LRP1B: variants seen among roughly 807,000 people sequenced by gnomAD.
The protein encoded by LRP1B is low-density lipoprotein receptor-related protein 1B.
LRP1B carries 217 observed loss-of-function variants against 556.6 expected under a neutral mutation model. The ratio of observed to expected loss-of-function variants is 0.39; its 90% confidence interval spans 0.35 to 0.44. The LOEUF is 0.44. Ranked by LOEUF, LRP1B falls within the 20% of genes least tolerant of loss-of-function variation. The probability of loss-of-function intolerance (pLI) is 1.00; values close to 1 mark genes in which losing one functional copy is unlikely to be tolerated. For synonymous variants in LRP1B, 2,047 were observed against 1,865.8 expected (o/e 1.10, Z -2.50); for missense variants, 5,053 against 5,620.8 (o/e 0.90, Z 3.23).
At chr2:140,999,894 T>C (rs1697363468) in intron 15 of LRP1B, among the ~76,000 whole-genome samples, 1 of 151,868 alleles carries the variant, frequency 6.6e-6, no homozygotes, top group African/African-American at 2.4e-5. Context: ...CTGGAGAAGG[T>C]GACAGGACTA....
intron 41 of LRP1B, chr2:140,683,902 G>A (rs953817692): frequency 8.0e-6 from 4 of 501,912 alleles, no homozygotes; most frequent in Non-Finnish European, 1.1e-5. Flanking sequence ...GGTCCATGCC[G>A]GGCTGCCCGC....
chr2:141,512,874 TC>T (rs1480068964), intron 2 of LRP1B, among the ~76,000 whole-genome samples: 1 of 152,098 alleles, frequency 6.6e-6, no homozygotes, highest in African/African-American at 2.4e-5. Context: ...TTAAAATCAA[TC>T]CCATACTGTG....
At chr2:141,947,656 T>C (rs1249050252) in intron 1 of LRP1B, among the ~76,000 whole-genome samples, 1 of 152,048 alleles carries the variant, frequency 6.6e-6, no homozygotes, top group Non-Finnish European at 1.5e-5. Context: ...TAATTCTCTT[T>C]AAGTATTAGG....
intron 11 of LRP1B, among the ~76,000 whole-genome samples, chr2:141,041,350 G>T (rs760118499): frequency 2.4e-4 from 36 of 152,032 alleles, no homozygotes; most frequent in Non-Finnish European, 1.5e-4. Context: ...TCCAGGACTG[G>T]TTTCACCGGG....
intron 18 of LRP1B, among the ~76,000 whole-genome samples, chr2:140,965,327 T>G: frequency 6.6e-6 from 1 of 151,254 alleles, no homozygotes; most frequent in East Asian, 2.0e-4. Context: ...GACTTTGCTT[T>G]TTGTTATTTT....
chr2:140,348,002 T>C (rs750486078), intron 77 of LRP1B, among the ~76,000 whole-genome samples: 32 of 152,168 alleles, frequency 2.1e-4, no homozygotes, highest in Middle Eastern at 3.4e-3. Flanking sequence ...TATTAATACA[T>C]AAGACAGATT....
chr2:141,173,938 T>C (rs1680620265), intron 7 of LRP1B, among the ~76,000 whole-genome samples: 1 of 152,090 alleles, frequency 6.6e-6, no homozygotes, highest in South Asian at 2.1e-4. Context: ...ATACTATGTT[T>C]ACACTATTTC....
chr2:141,617,212 T>C (rs1010061108), intron 2 of LRP1B, among the ~76,000 whole-genome samples: 6 of 152,170 alleles, frequency 3.9e-5, no homozygotes, highest in African/African-American at 1.4e-4. Flanking sequence ...CTATCTCCAG[T>C]GATTGAACAA....
At chr2:140,844,915 G>A (rs1023448426) in intron 29 of LRP1B, among the ~76,000 whole-genome samples, 4 of 152,164 alleles carry the variant, frequency 2.6e-5, no homozygotes, top group African/African-American at 9.7e-5. Flanking sequence ...TACTTGTGCT[G>A]AGAATTGAGA....
intron 35 of LRP1B, among the ~76,000 whole-genome samples, chr2:140,745,885 C>T (rs548937583): frequency 6.6e-6 from 1 of 152,262 alleles, no homozygotes; most frequent in African/African-American, 2.4e-5. Flanking sequence ...ATTCAATAAA[C>T]TAATCTGTTT....
At chr2:141,344,804 T>A (rs961279462) in intron 3 of LRP1B, among the ~76,000 whole-genome samples, 1 of 152,168 alleles carries the variant, frequency 6.6e-6, no homozygotes, top group South Asian at 2.1e-4. Flanking sequence ...TAATCATTTG[T>A]GAGAGACTAG....
intron 21 of LRP1B, among the ~76,000 whole-genome samples, chr2:140,909,327 A>C (rs1027980093): frequency 1.1e-4 from 17 of 152,286 alleles, no homozygotes; most frequent in East Asian, 1.9e-4. Context: ...GTATATATCC[A>C]AAAGTCATTA....
At chr2:141,016,928 A>C (rs959921382) in intron 12 of LRP1B, among the ~76,000 whole-genome samples, 2 of 152,110 alleles carry the variant, frequency 1.3e-5, no homozygotes, top group Non-Finnish European at 1.5e-5. Context: ...CCATGACGAA[A>C]AATCCTACTG....
intron 2 of LRP1B, among the ~76,000 whole-genome samples, chr2:141,503,226 A>T (rs1305385620): frequency 2.2e-5 from 3 of 138,658 alleles, no homozygotes; most frequent in Non-Finnish European, 3.1e-5. Context: ...TATAAGATAT[A>T]CAATATACAA....
At chr2:142,049,567 T>C (rs1704375069) in intron 1 of LRP1B, among the ~76,000 whole-genome samples, 1 of 152,156 alleles carries the variant, frequency 6.6e-6, no homozygotes, top group Non-Finnish European at 1.5e-5. Context: ...TGTTTGGCTA[T>C]GTCTGTGGTA....
Position 140,447,114 on chromosome 2 carries a change from T to C in LRP1B, c.10058-2435A>G, listed in dbSNP as rs140932418. Among the ~76,000 whole-genome samples, 822 of 152,114 alleles carry C rather than the reference T, an allele frequency of 5.4e-3. 5 individuals carry two copies. The highest frequency in any genetic ancestry group is 0.019 in the African/African-American group (788 of 41,552). On this transcript the variant is annotated intron_variant, in intron 63 of 90. Coordinates refer to ENST00000389484, the MANE Select transcript of LRP1B (RefSeq NM_018557.3). ...ATGCAAATAAAACCACAATAAGATA[T>C]CACCTTATACCTGTTAAGTTAGGCA...
chr2:141,436,330 T>C (rs1397994155), intron 3 of LRP1B, among the ~76,000 whole-genome samples: 1 of 152,170 alleles, frequency 6.6e-6, no homozygotes, highest in Non-Finnish European at 1.5e-5. Context: ...AGACAAGTAC[T>C]ACATAATCTC....
chr2:141,171,490 A>C (rs541598623), intron 7 of LRP1B, among the ~76,000 whole-genome samples: 1 of 152,212 alleles, frequency 6.6e-6, no homozygotes, highest in African/African-American at 2.4e-5. Flanking sequence ...CATGGAGCTG[A>C]TACAAACTTA....
At chr2:140,404,744 C>T (rs1355232019) in intron 66 of LRP1B, among the ~76,000 whole-genome samples, 1 of 152,056 alleles carries the variant, frequency 6.6e-6, no homozygotes, top group Non-Finnish European at 1.5e-5. Context: ...AAACAATATT[C>T]CACACAAATG....
Sources: allele counts gnomAD v4.1 joint callset (sites outside exome capture counted in the v4.1 genomes callset), GRCh38; gene constraint gnomAD v4.1.1; transcripts MANE v1.5; gene names NCBI Gene and HGNC (gene_info 2026-07-23, HGNC 2026-07-21).